The following OSBPL5 variants were observed in gnomAD, a reference collection of about 807,000 sequenced individuals.
The protein encoded by OSBPL5 is oxysterol-binding protein-related protein 5.
OSBPL5 carries 71 observed loss-of-function variants against 111.2 expected under a neutral mutation model. That is an observed-to-expected ratio of 0.64 (90% CI 0.53 to 0.78). The LOEUF is 0.78. Ranked by LOEUF, OSBPL5 falls within the 30% of genes least tolerant of loss-of-function variation. The pLI is 0.00. For missense variants in OSBPL5, 1,210 were observed against 1,189.3 expected (o/e 1.02, Z -0.26); for synonymous variants, 549 against 513.9 (o/e 1.07, Z -0.93).
rs746090343 is a variant in OSBPL5, at chr11:3,122,116, G to T, written c.301-18C>A. ...TTCTGCGCCTGGGCCCGGGGCACCCGCGGTGGGTCATGGGAGAAGGCACCG... is the reference window on the plus strand; with the variant it reads ...TTCTGCGCCTGGGCCCGGGGCACCCTCGGTGGGTCATGGGAGAAGGCACCG... On this transcript the variant is annotated intron_variant, in intron 4 of 21. Coordinates refer to ENST00000263650, the MANE Select transcript of OSBPL5 (RefSeq NM_020896.4). 2.6e-6 allele frequency: 4 copies of T among 1,547,402 alleles called. No individual in the cohort carries two copies. The highest frequency in any genetic ancestry group is 3.5e-6 in the Non-Finnish European group (4 of 1,151,178).
chr11:3,107,644 C>G lies in OSBPL5; in HGVS notation c.866+127G>C, dbSNP rs116484567. The stretch of plus-strand genomic sequence containing the variant: ...CCGAGGCTCCCAGGGCACACTGCAG[C>G]GAACAAGTCCCTGCGTGCAGCCTGC... On this transcript the variant is annotated intron_variant, in intron 8 of 21. Transcript: ENST00000263650. This position sits in a 1 kb window ranked among gnomAD's most constrained non-coding sequence, Gnocchi z 6.1. The G allele has an allele frequency of 4.7e-4, 664 of 1,401,326 alleles. 1 individual carries two copies. In the African/African-American group the frequency reaches 8.4e-3, roughly 18 times the overall value. The allele number at this position is 1,401,326 out of a possible 1,614,324, so 86.8% of individuals were successfully genotyped here.
At chr11:3,157,101 G>A (rs1019894587) in intron 1 of OSBPL5, among the ~76,000 whole-genome samples, 2 of 152,246 alleles carry the variant, frequency 1.3e-5, no homozygotes, top group Non-Finnish European at 2.9e-5. Flanking sequence ...ACGGCCCAGG[G>A]CACCTGGCTT....
intron 1 of OSBPL5, among the ~76,000 whole-genome samples, chr11:3,152,213 T>C (rs1404395200): frequency 6.6e-6 from 1 of 152,206 alleles, no homozygotes; most frequent in African/African-American, 2.4e-5. Flanking sequence ...ACACAAAAGC[T>C]AACATGTAGT....
chr11:3,154,523 A>G lies in OSBPL5; in HGVS notation c.-22+10693T>C, dbSNP rs1398312051. On this transcript the variant is annotated intron_variant, in intron 1 of 21. Transcript: ENST00000263650. The surrounding 1 kb of genome is among the most constrained non-coding windows in gnomAD (Gnocchi z 4.9). ...GAAGGCGTAAAACAGTCAAGATTCA[A>G]GCAGGTGAAATCTGAGAACACTGCA... 6.6e-6 allele frequency among the ~76,000 whole-genome samples: 1 copy of G among 152,238 alleles called. No homozygotes were observed. Among genetic ancestry groups the G allele is most frequent in the Non-Finnish European group, 1.5e-5 (1 of 68,040 alleles).
At position 3,158,567 on chromosome 11, in the gene OSBPL5, C is replaced by T. The variant is rs752760503; in HGVS notation, c.-22+6649G>A. On this transcript the variant is annotated intron_variant, in intron 1 of 21. Transcript: ENST00000263650. Reference sequence around the variant, plus strand: ...CAGGACCAGCCATGGGGACACCCCACGTGCAGAAGCTAGACTCACGGAGCA... The same window carrying T: ...CAGGACCAGCCATGGGGACACCCCATGTGCAGAAGCTAGACTCACGGAGCA... Among the ~76,000 whole-genome samples the T allele has an allele frequency of 1.6e-3, 242 of 152,248 alleles. 1 individual carries two copies. The highest frequency in any genetic ancestry group is 1.5e-3 in the Non-Finnish European group (102 of 68,044).
intron 3 of OSBPL5, among the ~76,000 whole-genome samples, chr11:3,125,745 C>G (rs377169210): frequency 6.9e-6 from 1 of 144,246 alleles, no homozygotes; most frequent in Non-Finnish European, 1.5e-5. Flanking sequence ...GCGGAGCTTG[C>G]AGTGAGCCGA....
chr11:3,102,081 C>A, intron 12 of OSBPL5, 102 bp downstream of exon 12: 1 of 1,237,660 alleles, frequency 8.1e-7, no homozygotes, highest in South Asian at 1.3e-5. Flanking sequence ...AGCCGGCCCT[C>A]GGGGTCACGC....
At position 3,110,245 on chromosome 11, in the gene OSBPL5, G is replaced by A. The variant is rs1298634286; in HGVS notation, c.692-2300C>T. 6.6e-6 allele frequency among the ~76,000 whole-genome samples: 1 copy of A among 152,186 alleles called. No individual in the cohort carries two copies. The highest frequency in any genetic ancestry group is 2.4e-5 in the African/African-American group (1 of 41,444). ...GGAGCCCTTCACCCCACTGCTCTGG[G>A]AGGCATCACCCTGGGGTTAGAGGAG... On this transcript the variant is annotated intron_variant, in intron 7 of 21. Transcript: ENST00000263650. The surrounding 1 kb of genome is among the most constrained non-coding windows in gnomAD (Gnocchi z 5.3).
Position 3,088,040 on chromosome 11 carries a change from C to T in OSBPL5, c.*165G>A, listed in dbSNP as rs886154244. 3 of 570,560 alleles carry T rather than the reference C, an allele frequency of 5.3e-6. No homozygotes were observed. The highest frequency in any genetic ancestry group is 8.3e-6 in the Non-Finnish European group (3 of 359,912). The allele number at this position is 570,560 out of a possible 1,614,324, so 35.3% of individuals were successfully genotyped here. A position where few individuals can be genotyped will look rare whatever the true frequency, so the allele number is the denominator to read the frequency against. ...GTGCCCCTGAGAGGGGCCCAGCACA[C>T]CTGGGCCCGCAGCGCCTTGTGGCCC... is the stretch of plus-strand genomic sequence containing the variant. On this transcript the variant is annotated 3_prime_UTR_variant, in exon 22 of 22. Coordinates refer to ENST00000263650, the MANE Select transcript of OSBPL5 (RefSeq NM_020896.4).
At chr11:3,145,054 C>T (rs781592346) in intron 1 of OSBPL5, among the ~76,000 whole-genome samples, 4 of 152,188 alleles carry the variant, frequency 2.6e-5, no homozygotes, top group African/African-American at 4.8e-5. Context: ...TGGCTCTTTG[C>T]GACTCCCCAC....
intron 1 of OSBPL5, among the ~76,000 whole-genome samples, chr11:3,163,406 T>C (rs1847021564): frequency 6.6e-6 from 1 of 151,114 alleles, no homozygotes; most frequent in South Asian, 2.1e-4. Flanking sequence ...AGAGTGTTTC[T>C]CCCTCCCCCA....
rs12282435 is a variant in OSBPL5 at position 3,140,637 on chromosome 11, G to A, written c.-21-11468C>T. On this transcript the variant is annotated intron_variant, in intron 1 of 21. Transcript: ENST00000263650. This position sits in a 1 kb window ranked among gnomAD's most constrained non-coding sequence, Gnocchi z 4.5. Reference sequence around the variant, plus strand: ...GCCCCACCAGTGGACAGGCATCGTCGTCCCGGCTCCCCTCTGTCCCCCAGC... The same window carrying A: ...GCCCCACCAGTGGACAGGCATCGTCATCCCGGCTCCCCTCTGTCCCCCAGC... 0.031 allele frequency among the ~76,000 whole-genome samples: 4,773 copies of A among 152,216 alleles called. 113 individuals are homozygous for A. Among genetic ancestry groups the A allele is most frequent in the East Asian group, 0.069 (357 of 5,166 alleles).
intron 7 of OSBPL5, among the ~76,000 whole-genome samples, chr11:3,111,969 GCATA>G (rs1857960201): frequency 8.3e-6 from 1 of 120,124 alleles, no homozygotes; most frequent in Non-Finnish European, 2.0e-5. Flanking sequence ...GTGTGTGTGT[GCATA>G]TGTGTGCGCG....
chr11:3,131,699 TATCCATCCATCCATCC>T (rs796941353), intron 1 of OSBPL5, among the ~76,000 whole-genome samples: 54 of 79,132 alleles, frequency 6.8e-4, no homozygotes, highest in African/African-American at 1.1e-3. Context: ...CCCATTCATC[TATCCATCCATCCATCC>T]ATCCATCCAT....
At chr11:3,101,730 C>G (rs372476916) in intron 12 of OSBPL5, 31 bp from the exon 13 acceptor site, 2 of 1,569,774 alleles carry the variant, frequency 1.3e-6, no homozygotes, top group Non-Finnish European at 1.8e-6. Context: ...CTGTAAACAG[C>G]CCCGGAAACA....
chr11:3,088,129 C>G lies in OSBPL5; in HGVS notation c.*76G>C, dbSNP rs1391633395. 4.4e-6 allele frequency: 6 copies of G among 1,362,732 alleles called. No homozygotes were observed. 84.4% of individuals were successfully genotyped at this position (1,362,732 alleles called of 1,614,324 possible). On this transcript the variant is annotated 3_prime_UTR_variant, in exon 22 of 22. Coordinates refer to ENST00000263650, the MANE Select transcript of OSBPL5 (RefSeq NM_020896.4). The stretch of plus-strand genomic sequence containing the variant: ...TGTGCTTGCCGGGCCTCTCTGCCTC[C>G]ATGGAGCAGGCTTAAAGTGCTGGGT...
At position 3,162,249 on chromosome 11, in the gene OSBPL5, G is replaced by T. The variant is rs1846987747; in HGVS notation, c.-22+2967C>A. 6.6e-6 allele frequency among the ~76,000 whole-genome samples: 1 copy of T among 152,140 alleles called. No individual in the cohort carries two copies. Among genetic ancestry groups the T allele is most frequent in the African/African-American group, 2.4e-5 (1 of 41,430 alleles). On this transcript the variant is annotated intron_variant, in intron 1 of 21. Transcript: ENST00000263650. This position sits in a 1 kb window ranked among gnomAD's most constrained non-coding sequence, Gnocchi z 8.1. ...AGCTGGTAGGGCCAGGAGGGGAGTG[G>T]AGGCCAGCCCTGGAGGGAGTAGCCG... is the stretch of plus-strand genomic sequence containing the variant.
chr11:3,139,574 G>A lies in OSBPL5; in HGVS notation c.-21-10405C>T, dbSNP rs751584412. 5.9e-4 allele frequency among the ~76,000 whole-genome samples: 90 copies of A among 152,208 alleles called. 1 individual carries two copies. Among genetic ancestry groups the A allele is most frequent in the Non-Finnish European group, 1.1e-3 (74 of 68,010 alleles). Reference sequence around the variant, plus strand: ...CCAGCCCAGGCACCCAGCCCTGCCCGCAGGAGTTTGGGGGCAGGATGGGGG... The same window carrying A: ...CCAGCCCAGGCACCCAGCCCTGCCCACAGGAGTTTGGGGGCAGGATGGGGG... On this transcript the variant is annotated intron_variant, in intron 1 of 21. Transcript: ENST00000263650.
chr11:3,103,102 G>A (rs1035873824), intron 11 of OSBPL5, 137 bp downstream of exon 11: 15 of 704,510 alleles, frequency 2.1e-5, no homozygotes, highest in Non-Finnish European at 3.4e-5. Flanking sequence ...TGGGCCCTCT[G>A]TGGGGGTGAC....
Sources: allele counts gnomAD v4.1 joint callset (sites outside exome capture counted in the v4.1 genomes callset), GRCh38; gene constraint gnomAD v4.1.1; non-coding constraint Gnocchi (gnomAD v3.1); transcripts MANE v1.5; gene names NCBI Gene and HGNC (gene_info 2026-07-23, HGNC 2026-07-21).